Variants in EVI5 observed in about 807,000 individuals in gnomAD.
The protein encoded by EVI5 is ecotropic viral integration site 5 protein homolog.
EVI5 carries 73 observed loss-of-function variants against 112.0 expected under a neutral mutation model. The ratio of observed to expected loss-of-function variants is 0.65; its 90% CI spans 0.54 to 0.79. The LOEUF (loss-of-function observed/expected upper bound fraction) is 0.79. Among genes scored for constraint, EVI5 ranks in the 30% least tolerant of loss-of-function variants. The probability of loss-of-function intolerance (pLI) is 0.00; values close to 1 mark genes in which losing one functional copy is unlikely to be tolerated. For missense variants in EVI5, 900 were observed against 968.8 expected, an observed-to-expected ratio of 0.93 and a Z score of 0.94; for synonymous variants, 305 against 319.9, an observed-to-expected ratio of 0.95 and a Z score of 0.50.
At position 92,636,055 on chromosome 1, in the gene EVI5, C is replaced by CT. The variant is rs1658760102; in HGVS notation, c.1527+146dup. ...AGGAATAACTGGCAATTTTAAAAAT[C>CT]TTTTTTTCCTTTTCCTCTTAGTAAC... On this transcript the variant is annotated intron_variant, in intron 14 of 19. Coordinates refer to ENST00000684568, the MANE Select transcript of EVI5 (RefSeq NM_001350197.2). 2.6e-5 allele frequency: 16 copies of CT among 620,530 alleles called. No individual in the cohort carries two copies. In the East Asian group the frequency reaches 4.0e-4, roughly 16 times the overall value. The allele number at this position is 620,530 out of a possible 1,614,324, so 38.4% of individuals were successfully genotyped here.
intron 18 of EVI5, among the ~76,000 whole-genome samples, chr1:92,573,054 C>T (rs930685219): frequency 2.0e-5 from 3 of 152,126 alleles, no homozygotes; most frequent in African/African-American, 7.2e-5. Context: ...TTATCTGCAA[C>T]AAAAACATAC....
chr1:92,597,865 C>T (rs1007844838), intron 18 of EVI5, among the ~76,000 whole-genome samples: 4 of 152,126 alleles, frequency 2.6e-5, no homozygotes, highest in Non-Finnish European at 5.9e-5. Flanking sequence ...TCTAGATCAG[C>T]CTGGGCAACA....
intron 13 of EVI5, among the ~76,000 whole-genome samples, chr1:92,641,682 C>T (rs919846520): frequency 4.6e-5 from 7 of 152,136 alleles, no homozygotes; most frequent in Admixed American, 3.3e-4. Flanking sequence ...ACCACAAAAT[C>T]ACAGCAGAAA....
intron 14 of EVI5, among the ~76,000 whole-genome samples, chr1:92,631,446 T>C (rs945177647): frequency 3.5e-4 from 54 of 152,358 alleles, no homozygotes; most frequent in African/African-American, 1.3e-3. Flanking sequence ...GAAGCAATTG[T>C]GAATGGGAAT....
chr1:92,741,793 A>C (rs1678459374), intron 1 of EVI5, among the ~76,000 whole-genome samples: 1 of 152,212 alleles, frequency 6.6e-6, no homozygotes, highest in Admixed American at 6.5e-5. Context: ...AAGAAATCAA[A>C]GATTCAGCTC....
rs747229137 is a variant in EVI5, at chr1:92,736,436, G to A, written c.111C>T (p.Asp37=). The A allele has an allele frequency of 8.1e-6, 13 of 1,613,478 alleles. No individual in the cohort carries two copies. The highest frequency in any genetic ancestry group is 2.7e-5 in the African/African-American group (2 of 74,890). The change falls in exon 2 of 20, where the codon GAC becomes GAT. Residue 37 remains aspartate, a synonymous_variant. Transcript: ENST00000684568. ...CCAGTTTAGCCAGGAGTTCTAAGTC[G>A]TCTGGACTCAACTGTGATGGGGAAG... ...SPSSPSQLSP[D]DLELLAKLEE...
At chr1:92,682,120 G>A (rs1013722249) in intron 9 of EVI5, among the ~76,000 whole-genome samples, 1 of 151,990 alleles carries the variant, frequency 6.6e-6, no homozygotes, top group Non-Finnish European at 1.5e-5. Flanking sequence ...CCTCTCACTG[G>A]TTTTCTATTC....
intron 2 of EVI5, among the ~76,000 whole-genome samples, chr1:92,715,486 G>C (rs914355673): frequency 5.7e-4 from 87 of 152,236 alleles, no homozygotes; most frequent in African/African-American, 2.0e-3. Flanking sequence ...TAGTAAGGAG[G>C]CGTGTTCCAA....
intron 13 of EVI5, among the ~76,000 whole-genome samples, chr1:92,637,470 C>G (rs143287465): frequency 5.9e-5 from 9 of 152,022 alleles, no homozygotes; most frequent in Non-Finnish European, 1.2e-4. Context: ...CACGGAAGCA[C>G]GCAACTTTCC....
At chr1:92,521,462 G>A (rs1252131763) in intron 19 of EVI5, among the ~76,000 whole-genome samples, 4 of 152,084 alleles carry the variant, frequency 2.6e-5, no homozygotes, top group Non-Finnish European at 4.4e-5. Flanking sequence ...AGGCCAAGGC[G>A]GATGGATCAC....
chr1:92,784,516 C>G, intron 1 of EVI5: 1 of 787,418 alleles, frequency 1.3e-6, no homozygotes, highest in Non-Finnish European at 1.5e-6. Context: ...TCAGTGTCCT[C>G]CACGGGATTT....
chr1:92,535,482 A>T (rs1557733361), intron 19 of EVI5, among the ~76,000 whole-genome samples: 1 of 152,214 alleles, frequency 6.6e-6, no homozygotes, highest in Non-Finnish European at 1.5e-5. Flanking sequence ...GGCACTGTTC[A>T]TGATAGCAAA....
At chr1:92,519,623 T>G (rs563682091) in intron 19 of EVI5, among the ~76,000 whole-genome samples, 18 of 152,264 alleles carry the variant, frequency 1.2e-4, no homozygotes, top group Admixed American at 3.9e-4. Context: ...CCGGGTGCAG[T>G]GGCTCATGAC....
chr1:92,746,719 C>T (rs1274535049), intron 1 of EVI5, among the ~76,000 whole-genome samples: 1 of 151,624 alleles, frequency 6.6e-6, no homozygotes, highest in Non-Finnish European at 1.5e-5. Flanking sequence ...AGAGCGAGAC[C>T]CTGTCTCTAC....
intron 1 of EVI5, among the ~76,000 whole-genome samples, chr1:92,739,053 C>CT (rs1677914544): frequency 6.6e-6 from 1 of 151,902 alleles, no homozygotes; most frequent in Non-Finnish European, 1.5e-5. Flanking sequence ...AGGCAGATCA[C>CT]CCTGAGGTCA....
At chr1:92,565,087 T>C (rs916387030) in intron 18 of EVI5, among the ~76,000 whole-genome samples, 1 of 152,182 alleles carries the variant, frequency 6.6e-6, no homozygotes, top group African/African-American at 2.4e-5. Flanking sequence ...GCAGCTCTGA[T>C]CCGGAGCCAT....
At chr1:92,684,174 G>C (rs1446130334) in intron 9 of EVI5, among the ~76,000 whole-genome samples, 4 of 152,102 alleles carry the variant, frequency 2.6e-5, no homozygotes, top group African/African-American at 4.8e-5. Context: ...TACCCACAAA[G>C]GGAAGCCCAT....
At chr1:92,547,812 C>G (rs570741817) in intron 19 of EVI5, among the ~76,000 whole-genome samples, 2 of 152,310 alleles carry the variant, frequency 1.3e-5, no homozygotes, top group East Asian at 3.8e-4. Flanking sequence ...AGTTGAATCT[C>G]TGAATAGACC....
At chr1:92,652,164 A>G (rs1662251400) in intron 13 of EVI5, among the ~76,000 whole-genome samples, 1 of 152,248 alleles carries the variant, frequency 6.6e-6, no homozygotes, top group African/African-American at 2.4e-5. Flanking sequence ...TTTATCAGCC[A>G]TAAAAATGAA....
Sources: gnomAD v4.1 joint callset for allele counts (sites outside exome capture counted in the v4.1 genomes callset) on GRCh38, gnomAD v4.1.1 for gene constraint, MANE v1.5 for transcripts, NCBI Gene and HGNC (gene_info 2026-07-23, HGNC 2026-07-21) for gene names.